Variants in PIK3R3 observed in about 807,000 individuals in gnomAD.
The protein encoded by PIK3R3 is phosphatidylinositol 3-kinase regulatory subunit gamma.
A neutral mutation model predicts 62.9 loss-of-function variants in PIK3R3; 64 were observed. The ratio of observed to expected loss-of-function variants is 1.02; its 90% CI spans 0.83 to 1.25. The LOEUF is 1.25. Ranked by LOEUF, PIK3R3 falls within the 50% of genes most tolerant of loss-of-function variation. The probability of loss-of-function intolerance (pLI) is 0.00; values close to 1 mark genes in which losing one functional copy is unlikely to be tolerated. For synonymous variants in PIK3R3, 165 were observed against 189.0 expected (o/e 0.87, Z 1.04); for missense variants, 614 against 561.6 (o/e 1.09, Z -0.94).
chr1:46,166,069 C>T, the PIK3R3 span, among the ~76,000 whole-genome samples: 1 of 151,244 alleles, frequency 6.6e-6, no homozygotes, highest in African/African-American at 2.4e-5. Flanking sequence ...CCACCGTGCC[C>T]GGCCTGTCCT....
At chr1:46,049,508 T>C (rs1373803755) in intron 7 of PIK3R3, among the ~76,000 whole-genome samples, 1 of 152,214 alleles carries the variant, frequency 6.6e-6, no homozygotes, top group African/African-American at 2.4e-5. Flanking sequence ...CAGGGCATCC[T>C]GGATGGAGAA....
chr1:46,160,778 T>C, the PIK3R3 span, among the ~76,000 whole-genome samples: 1 of 152,208 alleles, frequency 6.6e-6, no homozygotes, highest in Non-Finnish European at 1.5e-5. Context: ...AACCAATTTT[T>C]GTCATGATTG....
Position 46,080,682 on chromosome 1 carries a change from A to T in PIK3R3, c.175T>A (p.Ser59Thr), listed in dbSNP as rs566573577. The T allele has an allele frequency of 1.2e-6, 2 of 1,613,718 alleles. No individual in the cohort carries two copies. The highest frequency in any genetic ancestry group is 1.7e-6 in the Non-Finnish European group (2 of 1,179,576). Reference protein sequence around the residue: ...VPNGMKDSSVSLQDAEWYWGD... With the variant: ...VPNGMKDSSVTLQDAEWYWGD... ...CAGTACCATTCTGCATCCTGAAGAG[A>T]AACAGAACTGTCCTTCATTCCATTT... Residue 59 changes from serine to threonine, a missense_variant, in exon 2 of 10, where the codon TCT (serine) becomes ACT (threonine). By Grantham distance (58) the Ser-to-Thr change is moderately conservative. Coordinates refer to ENST00000262741, the MANE Select transcript of PIK3R3 (RefSeq NM_003629.4).
At position 46,044,500 on chromosome 1, in the gene PIK3R3, C is replaced by A. The variant is rs1647060388; in HGVS notation, c.1188-629G>T. Among the ~76,000 whole-genome samples the A allele has an allele frequency of 1.3e-5, 2 of 152,150 alleles. No individual in the cohort carries two copies. The highest frequency in any genetic ancestry group is 6.5e-5 in the Admixed American group (1 of 15,274). ...TACTGCCTTCCTTCTTTTTATTATT[C>A]TTAGAAGATCCTAAGTCTTACAAGA... is the stretch of plus-strand genomic sequence containing the variant. On this transcript the variant is annotated intron_variant, in intron 9 of 9. Transcript: ENST00000262741. The surrounding 1 kb of genome is among the most constrained non-coding windows in gnomAD (Gnocchi z 4.2).
rs1655620199 is a variant in PIK3R3 at position 46,131,772 on chromosome 1, T to C, written c.106+75A>G. The C allele has an allele frequency of 2.1e-6, 3 of 1,433,976 alleles. No homozygotes were observed. The South Asian group carries it at 3.4e-5, about 16-fold the overall frequency. The allele number at this position is 1,433,976 out of a possible 1,614,324, so 88.8% of individuals were successfully genotyped here. ...AGCGCACCCAGGAATACTTCTGCCC[T>C]GAAAACATCAGCAAGCTCTTGGTAA... On this transcript the variant is annotated intron_variant, in intron 1 of 9. Coordinates refer to ENST00000262741, the MANE Select transcript of PIK3R3 (RefSeq NM_003629.4).
intron 7 of PIK3R3, chr1:46,048,366 CT>C (rs1647172151): frequency 6.6e-6 from 1 of 152,100 alleles, no homozygotes; most frequent in Non-Finnish European, 1.5e-5. Flanking sequence ...AAGAATTGCC[CT>C]TTAGTTAACT....
chr1:46,068,082 G>T (rs567550394), intron 3 of PIK3R3, among the ~76,000 whole-genome samples: 1 of 152,208 alleles, frequency 6.6e-6, no homozygotes, highest in East Asian at 1.9e-4. Flanking sequence ...TTATATAAAT[G>T]ACCTTTTTGT....
chr1:46,102,977 T>C (rs1273343506), intron 1 of PIK3R3, among the ~76,000 whole-genome samples: 1 of 152,186 alleles, frequency 6.6e-6, no homozygotes, highest in Non-Finnish European at 1.5e-5. Flanking sequence ...ATAAAGGGAA[T>C]ATTATTCAGC....
chr1:46,155,296 C>T, the PIK3R3 span, among the ~76,000 whole-genome samples: 1 of 151,122 alleles, frequency 6.6e-6, no homozygotes, highest in Non-Finnish European at 1.5e-5. Flanking sequence ...GCACTCCAGC[C>T]TAGATGACAG....
the PIK3R3 span, among the ~76,000 whole-genome samples, chr1:46,166,603 C>G: frequency 6.6e-6 from 1 of 152,254 alleles, no homozygotes; most frequent in African/African-American, 2.4e-5. Context: ...ACCCCTAGTT[C>G]GGCATGCCCT....
At chr1:46,055,573 T>C (rs1346178815) in intron 7 of PIK3R3, among the ~76,000 whole-genome samples, 1 of 152,248 alleles carries the variant, frequency 6.6e-6, no homozygotes. Flanking sequence ...AAGGCATTTG[T>C]ATGGATCAAG....
chr1:46,104,775 C>CA (rs1257649232), intron 1 of PIK3R3, among the ~76,000 whole-genome samples: 2 of 151,330 alleles, frequency 1.3e-5, no homozygotes, highest in Non-Finnish European at 3.0e-5. Context: ...CTAAAAATTA[C>CA]AAAAAAATTA....
the PIK3R3 span, among the ~76,000 whole-genome samples, chr1:46,155,813 G>A: frequency 6.6e-6 from 1 of 151,896 alleles, no homozygotes; most frequent in African/African-American, 2.4e-5. Flanking sequence ...ATTTTTTAAC[G>A]ATTGGGAAAA....
At chr1:46,105,181 C>T (rs1653080598) in intron 1 of PIK3R3, 1 of 602,038 alleles carries the variant, frequency 1.7e-6, no homozygotes, top group African/African-American at 1.9e-5. Context: ...AGTAATCATC[C>T]CAGCTGGTGT....
intron 1 of PIK3R3, among the ~76,000 whole-genome samples, chr1:46,106,980 C>CA (rs1419947929): frequency 3.1e-4 from 47 of 152,076 alleles, no homozygotes; most frequent in Non-Finnish European, 5.1e-4. Flanking sequence ...AGGCTGGTCT[C>CA]AAACTCCTGA....
intron 5 of PIK3R3, among the ~76,000 whole-genome samples, chr1:46,063,538 T>C (rs1052630475): frequency 6.6e-5 from 10 of 152,214 alleles, no homozygotes; most frequent in African/African-American, 2.4e-4. Flanking sequence ...AAAACACTAA[T>C]AATTTAGACT....
intron 3 of PIK3R3, among the ~76,000 whole-genome samples, chr1:46,073,923 C>G (rs1281890587): frequency 6.6e-5 from 10 of 150,968 alleles, no homozygotes; most frequent in Admixed American, 6.6e-4. Context: ...AGTGAGCCAC[C>G]ATGACCGGCC....
chr1:46,118,734 T>C (rs1443182958), intron 1 of PIK3R3, among the ~76,000 whole-genome samples: 2 of 151,990 alleles, frequency 1.3e-5, no homozygotes, highest in Non-Finnish European at 2.9e-5. Context: ...TTTTATATTA[T>C]TAGTAGAGAC....
chr1:46,083,377 A>G (rs1330197446), intron 1 of PIK3R3, among the ~76,000 whole-genome samples: 1 of 152,220 alleles, frequency 6.6e-6, no homozygotes, highest in African/African-American at 2.4e-5. Flanking sequence ...AAAATAACAA[A>G]CAAGAAAAAA....
Sources: gnomAD v4.1 joint callset for allele counts (sites outside exome capture counted in the v4.1 genomes callset) on GRCh38, gnomAD v4.1.1 for gene constraint, Gnocchi (gnomAD v3.1) non-coding constraint, MANE v1.5 for transcripts, NCBI Gene and HGNC (gene_info 2026-07-23, HGNC 2026-07-21) for gene names.